Variants in TENM1 observed in about 807,000 individuals in gnomAD.
The protein encoded by TENM1 is teneurin transmembrane protein 1, also known as teneurin-1.
A neutral mutation model predicts 174.8 loss-of-function variants in TENM1; 35 were observed. The ratio of observed to expected loss-of-function variants is 0.20; its 90% CI spans 0.15 to 0.27. TENM1 has a LOEUF of 0.27. Among genes scored for constraint, TENM1 ranks in the 10% least tolerant of loss-of-function variants. The pLI, the probability that TENM1 is intolerant of heterozygous loss-of-function variation, is 1.00. For synonymous variants in TENM1, 781 were observed against 798.7 expected, an observed-to-expected ratio of 0.98 and a Z score of 0.37; for missense variants, 1,633 against 2,130.1, an observed-to-expected ratio of 0.77 and a Z score of 4.59.
intron 23 of TENM1, among the ~76,000 whole-genome samples, chrX:124,445,220 G>C (rs1027493544): frequency 9.0e-6 from 1 of 111,642 alleles, no homozygotes; most frequent in Non-Finnish European, 1.9e-5. Context: ...AAGACTGGAT[G>C]GTGAAAGTTA....
At chrX:124,653,766 C>G in exon 7 of TENM1, 4 of 1,207,601 alleles carry the variant, frequency 3.3e-6, no homozygotes, top group Non-Finnish European at 4.5e-6. Context: ...GTGTCTATCG[C>G]CCGTCCCTTC....
intron 11 of TENM1, among the ~76,000 whole-genome samples, chrX:124,610,734 G>A (rs753594581): frequency 1.8e-5 from 2 of 110,792 alleles, no homozygotes; most frequent in African/African-American, 6.5e-5. Flanking sequence ...CCTCCCCTTC[G>A]TAGAAACTTT....
chrX:125,169,758 G>A, the TENM1 span, among the ~76,000 whole-genome samples: 2 of 109,860 alleles, frequency 1.8e-5, no homozygotes, highest in African/African-American at 6.6e-5. Flanking sequence ...GGCCCAGAAA[G>A]TCATTTCTTC....
the TENM1 span, among the ~76,000 whole-genome samples, chrX:125,103,207 T>C: frequency 8.9e-6 from 1 of 111,963 alleles, no homozygotes; most frequent in Non-Finnish European, 1.9e-5. Flanking sequence ...CATGAAAATT[T>C]CCCTTTTCAG....
intron 14 of TENM1, among the ~76,000 whole-genome samples, chrX:124,548,638 T>C (rs2048486957): frequency 8.9e-6 from 1 of 111,916 alleles, no homozygotes; most frequent in South Asian, 3.8e-4. Flanking sequence ...ATAAAGACAC[T>C]AATCTTCTTG....
chrX:124,838,354 G>T (rs762158174), intron 3 of TENM1, among the ~76,000 whole-genome samples: 1 of 111,614 alleles, frequency 9.0e-6, no homozygotes, highest in African/African-American at 3.2e-5. Flanking sequence ...TATTAATAAG[G>T]CATAAAACTC....
At chrX:124,497,362 G>A in intron 19 of TENM1, 97 bp from the exon 23 acceptor site, 1 of 950,502 alleles carries the variant, frequency 1.1e-6, no homozygotes, top group South Asian at 2.5e-5. Context: ...TCCCAAGCAG[G>A]AAGGAGCTTT....
intron 25 of TENM1, among the ~76,000 whole-genome samples, chrX:124,407,198 G>C (rs1309061435): frequency 2.2e-5 from 2 of 91,792 alleles, no homozygotes; most frequent in Admixed American, 1.3e-4. Flanking sequence ...TAGAAATATA[G>C]TCTAGGGAGT....
At chrX:125,027,166 C>G in the TENM1 span, among the ~76,000 whole-genome samples, 1 of 111,824 alleles carries the variant, frequency 8.9e-6, no homozygotes, top group Admixed American at 9.5e-5. Context: ...ACAGAAAAAT[C>G]CAAGTGAGTA....
chrX:124,413,548 C>T (rs966208923), intron 25 of TENM1, among the ~76,000 whole-genome samples: 3 of 111,834 alleles, frequency 2.7e-5, no homozygotes, highest in Admixed American at 9.5e-5. Context: ...TGGAGTTCAG[C>T]GGAACTTCCC....
chrX:125,204,022 G>C, the TENM1 span: 1 of 113,637 alleles, frequency 8.8e-6, no homozygotes, highest in Non-Finnish European at 1.9e-5. Context: ...TAAACCGGCG[G>C]CCGCCGGAGG....
chrX:124,653,024 T>C (rs2051348887), intron 7 of TENM1, among the ~76,000 whole-genome samples: 1 of 111,522 alleles, frequency 9.0e-6, no homozygotes, highest in South Asian at 3.8e-4. Flanking sequence ...GAAGTAGTGC[T>C]CGAAATGGGT....
intron 15 of TENM1, among the ~76,000 whole-genome samples, chrX:124,544,213 A>T (rs1373580712): frequency 8.9e-6 from 1 of 112,720 alleles, no homozygotes; most frequent in African/African-American, 3.2e-5. Context: ...TCCGAGATGT[A>T]TAAGAGCCAT....
chrX:125,049,952 T>C, the TENM1 span, among the ~76,000 whole-genome samples: 1 of 110,057 alleles, frequency 9.1e-6, no homozygotes, highest in South Asian at 3.8e-4. Context: ...TTCCATTCTA[T>C]GGGTTGTCAT....
chrX:124,674,151 C>T (rs142687261), intron 5 of TENM1, among the ~76,000 whole-genome samples: 1,561 of 108,631 alleles, frequency 0.014, 29 homozygotes, highest in African/African-American at 0.05. Context: ...GTCATATATG[C>T]ACAGAGGCAA....
intron 19 of TENM1, 57 bp from the exon 23 acceptor site, chrX:124,497,322 C>A: frequency 1.8e-6 from 2 of 1,115,678 alleles, no homozygotes; most frequent in Non-Finnish European, 2.4e-6. Context: ...ACAAAATAAT[C>A]TCAGCAATAT....
the TENM1 span, among the ~76,000 whole-genome samples, chrX:125,176,124 G>A: frequency 9.0e-6 from 1 of 111,500 alleles, no homozygotes; most frequent in Non-Finnish European, 1.9e-5. Context: ...TCAGAATTCT[G>A]TTTTCTATGT....
chrX:125,088,489 T>G, the TENM1 span, among the ~76,000 whole-genome samples: 1 of 111,238 alleles, frequency 9.0e-6, no homozygotes, highest in Non-Finnish European at 1.9e-5. Context: ...TAGGGGAAAC[T>G]CCATGGAATG....
At chrX:124,534,268 G>C (rs1368093891) in intron 15 of TENM1, among the ~76,000 whole-genome samples, 2 of 111,816 alleles carry the variant, frequency 1.8e-5, no homozygotes, top group African/African-American at 6.5e-5. Context: ...CAAGCTGCTT[G>C]TTAGACAGTT....
Sources: gnomAD v4.1 joint callset for allele counts (sites outside exome capture counted in the v4.1 genomes callset) on GRCh38, gnomAD v4.1.1 for gene constraint, MANE v1.5 for transcripts, NCBI Gene and HGNC (gene_info 2026-07-23, HGNC 2026-07-21) for gene names.